The following ACOX1 variants were observed in gnomAD, a reference collection of about 807,000 sequenced individuals.
The protein encoded by ACOX1 is peroxisomal acyl-coenzyme A oxidase 1.
A neutral mutation model predicts 75.5 loss-of-function variants in ACOX1; 41 were observed. That is an observed-to-expected ratio of 0.54 (90% CI 0.42 to 0.70). The LOEUF is 0.70. Ranked by LOEUF, ACOX1 falls within the 30% of genes least tolerant of loss-of-function variation. The probability of loss-of-function intolerance (pLI) is 0.00; values close to 1 mark genes in which losing one functional copy is unlikely to be tolerated. For missense variants in ACOX1, 630 were observed against 837.5 expected (o/e 0.75, Z 3.06); for synonymous variants, 303 against 298.8 (o/e 1.01, Z -0.15).
chr17:75,952,212 C>T lies in ACOX1; in HGVS notation c.945-635G>A, dbSNP rs563341018. On this transcript the variant is annotated intron_variant, in intron 7 of 13. Transcript: ENST00000293217. ...TTTTGACCACAATCTTGGAGAAGAC[C>T]CAATGGATGGTGTTAAATATTTTGA... Among the ~76,000 whole-genome samples, 471 of 152,126 alleles carry T rather than the reference C, an allele frequency of 3.1e-3. 2 individuals are homozygous for T. Among genetic ancestry groups the T allele is most frequent in the African/African-American group, 0.011 (450 of 41,516 alleles).
chr17:75,958,321 C>G (rs34143128), intron 3 of ACOX1, among the ~76,000 whole-genome samples: 77,117 of 145,202 alleles, frequency 0.53, 24,371 homozygotes, highest in East Asian at 0.77. Context: ...CCACCGCACT[C>G]CAGCCTGGGT....
chr17:75,954,147 C>T (rs1364031738), intron 6 of ACOX1, among the ~76,000 whole-genome samples: 2 of 149,270 alleles, frequency 1.3e-5, no homozygotes, highest in African/African-American at 5.0e-5. Flanking sequence ...ACCTGGGAGG[C>T]GGAGGTTTCA....
rs548216497 is a variant in ACOX1 at position 75,978,119 on chromosome 17, G to C, written c.269+415C>G. Among the ~76,000 whole-genome samples the C allele has an allele frequency of 6.8e-5, 10 of 147,630 alleles. No individual in the cohort carries two copies. Among genetic ancestry groups the C allele is most frequent in the African/African-American group, 2.5e-4 (10 of 40,436 alleles). ...ATTTATTTATTTATTTTTTGAGATG[G>C]AGTCTCGCACTCTTGCCCAGGCTGG... On this transcript the variant is annotated intron_variant, in intron 2 of 13. Coordinates refer to ENST00000293217, the MANE Select transcript of ACOX1 (RefSeq NM_004035.7). The surrounding 1 kb of genome is among the most constrained non-coding windows in gnomAD (Gnocchi z 4.2).
chr17:75,960,094 G>T lies in ACOX1; in HGVS notation c.430+121C>A. The T allele has an allele frequency of 8.0e-7, 1 of 1,244,294 alleles. No individual in the cohort carries two copies. Among genetic ancestry groups the T allele is most frequent in the Non-Finnish European group, 1.1e-6 (1 of 874,758 alleles). The allele number at this position is 1,244,294 out of a possible 1,614,324, so 77.1% of individuals were successfully genotyped here. On this transcript the variant is annotated intron_variant, in intron 3 of 13. Coordinates refer to ENST00000293217, the MANE Select transcript of ACOX1 (RefSeq NM_004035.7). This position sits in a 1 kb window ranked among gnomAD's most constrained non-coding sequence, Gnocchi z 4.4. Reference sequence around the variant, plus strand: ...TACCAAAACCTGGACTCTGCAGAAAGAGCTCATTTAAACAGACCATAGAAC... The same window carrying T: ...TACCAAAACCTGGACTCTGCAGAAATAGCTCATTTAAACAGACCATAGAAC...
chr17:75,973,363 C>T (rs2066014528), intron 2 of ACOX1: 1 of 504,552 alleles, frequency 2.0e-6, no homozygotes, highest in Non-Finnish European at 3.6e-6. Context: ...ATGGGGTTCC[C>T]CGCTGCACTG....
chr17:75,957,147 G>A (rs1050234566), intron 4 of ACOX1, among the ~76,000 whole-genome samples: 1 of 151,666 alleles, frequency 6.6e-6, no homozygotes, highest in East Asian at 1.9e-4. Context: ...GTGCAATGGT[G>A]CAATCTTGGC....
chr17:75,967,717 TACAC>T (rs754361246), intron 2 of ACOX1, among the ~76,000 whole-genome samples: 2 of 133,730 alleles, frequency 1.5e-5, no homozygotes, highest in Non-Finnish European at 3.2e-5. Flanking sequence ...CATATATATA[TACAC>T]ATATATATAT....
rs1222682949 is a variant in ACOX1, at chr17:75,960,930, A to G, written c.270-555T>C. On this transcript the variant is annotated intron_variant, in intron 2 of 13. Transcript: ENST00000293217. The surrounding 1 kb of genome is among the most constrained non-coding windows in gnomAD (Gnocchi z 4.4). Reference sequence around the variant, plus strand: ...GAGGCGGAGGTTGCAGTGAGCCGAGATCATGCCCACTGCATTCCAGCCTGG... The same window carrying G: ...GAGGCGGAGGTTGCAGTGAGCCGAGGTCATGCCCACTGCATTCCAGCCTGG... 1.3e-5 allele frequency among the ~76,000 whole-genome samples: 2 copies of G among 152,160 alleles called. No individual in the cohort carries two copies. Among genetic ancestry groups the G allele is most frequent in the African/African-American group, 4.8e-5 (2 of 41,432 alleles).
chr17:75,958,660 T>C (rs1174851397), intron 3 of ACOX1, among the ~76,000 whole-genome samples: 11 of 151,566 alleles, frequency 7.3e-5, no homozygotes, highest in African/African-American at 1.5e-4. Flanking sequence ...TACAAAAAAT[T>C]AGCTGGGCAT....
chr17:75,967,660 ACATATATATACATATATATACG>A (rs2065947108), intron 2 of ACOX1, among the ~76,000 whole-genome samples: 3 of 101,110 alleles, frequency 3.0e-5, no homozygotes, highest in African/African-American at 1.9e-4. Context: ...ATATATACAT[ACATATATATACATATATATACG>A]TATATATATA....
At chr17:75,959,474 T>C (rs1053461882) in intron 3 of ACOX1, among the ~76,000 whole-genome samples, 1 of 152,144 alleles carries the variant, frequency 6.6e-6, no homozygotes, top group Non-Finnish European at 1.5e-5. Context: ...CTAGACCAGT[T>C]TTTCTGAAAC....
At chr17:75,958,357 AAAAAAAAAAAAG>A (rs2065853259) in intron 3 of ACOX1, among the ~76,000 whole-genome samples, 1 of 147,656 alleles carries the variant, frequency 6.8e-6, no homozygotes, top group East Asian at 2.0e-4. Flanking sequence ...CATCTCAAAA[AAAAAAAAAAAAG>A]AAAAAGAAAA....
intron 13 of ACOX1, among the ~76,000 whole-genome samples, chr17:75,947,731 C>T (rs2065734990): frequency 7.2e-6 from 1 of 139,424 alleles, no homozygotes. Flanking sequence ...TTTTTTGAGA[C>T]AGAGTTTTGC....
In ACOX1 at chr17:75,944,871, C is replaced by G. The variant is rs1318888468; in HGVS notation, c.*1877G>C. ...TATCCTGCCTCAGCCTCCCGAGTAG[C>G]TGGGACTACAGGCGCGTGCTACCAC... On this transcript the variant is annotated 3_prime_UTR_variant, in exon 14 of 14. Transcript: ENST00000293217. 6.6e-6 allele frequency: 1 copy of G among 152,166 alleles called. No individual in the cohort carries two copies. The highest frequency in any genetic ancestry group is 1.5e-5 in the Non-Finnish European group (1 of 68,062). 9.4% of individuals were successfully genotyped at this position (152,166 alleles called of 1,614,324 possible).
rs896062930 is a variant in ACOX1 at position 75,950,168 on chromosome 17, T to A, written c.1299-271A>T. ...GGTTTTACCATGTTGGCCAGGCTGG[T>A]CTCTTAACTCCTGACCTCAAGTGAT... On this transcript the variant is annotated intron_variant, in intron 9 of 13. Coordinates refer to ENST00000293217, the MANE Select transcript of ACOX1 (RefSeq NM_004035.7). This position sits in a 1 kb window ranked among gnomAD's most constrained non-coding sequence, Gnocchi z 4.3. 1.3e-4 allele frequency among the ~76,000 whole-genome samples: 20 copies of A among 152,098 alleles called. No homozygotes were observed. The highest frequency in any genetic ancestry group is 4.8e-4 in the African/African-American group (20 of 41,482).
At position 75,978,891 on chromosome 17, in the gene ACOX1, C is replaced by G. The variant is rs1331481960; in HGVS notation, c.109+74G>C. ...GGGCCAGAGGGCCTAGGCCCCACAG[C>G]GCCCCTGACTCCGCATCGAGGGAGT... On this transcript the variant is annotated intron_variant, in intron 1 of 13. Coordinates refer to ENST00000293217, the MANE Select transcript of ACOX1 (RefSeq NM_004035.7). The surrounding 1 kb of genome is among the most constrained non-coding windows in gnomAD (Gnocchi z 4.2). The G allele has an allele frequency of 6.2e-7, 1 of 1,601,400 alleles. No homozygotes were observed. Among genetic ancestry groups the G allele is most frequent in the Non-Finnish European group, 8.5e-7 (1 of 1,177,890 alleles).
rs1598173930 is a variant in ACOX1, at chr17:75,949,118, C to G, written c.1728+99G>C. ...TGATCACCGTACCCGCCTTGGGCTC[C>G]CAAAGTGCTGGGATTACAGGCATGA... On this transcript the variant is annotated intron_variant, in intron 12 of 13. Coordinates refer to ENST00000293217, the MANE Select transcript of ACOX1 (RefSeq NM_004035.7). 1.6e-5 allele frequency: 24 copies of G among 1,461,166 alleles called. No individual in the cohort carries two copies. The East Asian group carries it at 5.0e-4, about 31-fold the overall frequency. The allele number at this position is 1,461,166 out of a possible 1,614,324, so 90.5% of individuals were successfully genotyped here. A position where few individuals can be genotyped will look rare whatever the true frequency, so the allele number is the denominator to read the frequency against.
chr17:75,965,717 C>G (rs1177666191), intron 2 of ACOX1, among the ~76,000 whole-genome samples: 1 of 152,086 alleles, frequency 6.6e-6, no homozygotes, highest in African/African-American at 2.4e-5. Flanking sequence ...CCCATACTCT[C>G]AACTACTCGG....
At chr17:75,971,741 C>CAAAAAAAA (rs11324447) in intron 2 of ACOX1, among the ~76,000 whole-genome samples, 1 of 116,060 alleles carries the variant, frequency 8.6e-6, no homozygotes. Context: ...GACTCTGACT[C>CAAAAAAAA]AAAAAAAAAA....
Sources: gnomAD v4.1 joint callset for allele counts (sites outside exome capture counted in the v4.1 genomes callset) on GRCh38, gnomAD v4.1.1 for gene constraint, Gnocchi (gnomAD v3.1) non-coding constraint, MANE v1.5 for transcripts, NCBI Gene and HGNC (gene_info 2026-07-23, HGNC 2026-07-21) for gene names.